The following TSEN2 variants were observed in gnomAD, a reference collection of about 807,000 sequenced individuals.
The protein encoded by TSEN2 is tRNA-splicing endonuclease subunit Sen2.
TSEN2 carries 54 observed loss-of-function variants against 59.2 expected under a neutral mutation model. The observed-to-expected ratio is 0.91, with a 90% confidence interval of 0.73 to 1.14. The LOEUF is 1.14. TSEN2 is among the 50% of genes most tolerant of loss of function. The pLI, the probability that TSEN2 is intolerant of heterozygous loss-of-function variation, is 0.00. For missense variants in TSEN2, 636 were observed against 576.2 expected (o/e 1.10, Z -1.06); for synonymous variants, 195 against 198.2 (o/e 0.98, Z 0.14).
chr3:12,519,607 G>A (rs947795138), intron 8 of TSEN2, among the ~76,000 whole-genome samples: 15 of 152,236 alleles, frequency 9.9e-5, no homozygotes, highest in African/African-American at 2.6e-4. Flanking sequence ...TTAGCTGGGC[G>A]TGGTAGCGGG....
chr3:12,480,854 T>C (rs41335647), upstream of TSEN2, among the ~76,000 whole-genome samples: 3,938 of 152,172 alleles, frequency 0.026, 173 homozygotes, highest in African/African-American at 0.088. Context: ...TGTTAATGCA[T>C]TGCCCTCCTG....
At chr3:12,532,629 T>A (rs1214304605) in intron 11 of TSEN2, 33 bp from the exon 12 acceptor site, 1 of 1,611,924 alleles carries the variant, frequency 6.2e-7, no homozygotes, top group Non-Finnish European at 8.5e-7. Context: ...CATTTCTGTT[T>A]TAAGAAATGG....
chr3:12,481,281 C>G (rs2052190599), upstream of TSEN2, among the ~76,000 whole-genome samples: 1 of 152,218 alleles, frequency 6.6e-6, no homozygotes, highest in Non-Finnish European at 1.5e-5. Flanking sequence ...TATTTACAAA[C>G]TCACCTAGTT....
At chr3:12,506,699 T>C in intron 6 of TSEN2, 1 of 985,354 alleles carries the variant, frequency 1.0e-6, no homozygotes, top group Non-Finnish European at 1.2e-6. Flanking sequence ...TTCTTGCTTA[T>C]GTTGATAGTG....
At position 12,503,475 on chromosome 3, in the gene TSEN2, C is replaced by T. The variant is rs141580750; in HGVS notation, c.522C>T (p.Asn174=). ...GGGGAGAGAGACCTTCTGTGGTAAACGGGGACTCTGGAAAGTCAGGTGGTG... is the reference window on the plus strand; with the variant it reads ...GGGGAGAGAGACCTTCTGTGGTAAATGGGGACTCTGGAAAGTCAGGTGGTG... ...TAGGERPSVV[N]GDSGKSGGVG... The change falls in exon 5 of 12, where the codon AAC becomes AAT. Residue 174 remains asparagine, a synonymous_variant. Coordinates refer to ENST00000284995, the MANE Select transcript of TSEN2 (RefSeq NM_025265.4). 1,785 of 1,614,048 alleles carry T rather than the reference C, an allele frequency of 1.1e-3. 4 individuals carry two copies. Among genetic ancestry groups the T allele is most frequent in the Non-Finnish European group, 1.3e-3 (1,588 of 1,180,030 alleles).
At chr3:12,487,707 A>G (rs2052762643) in intron 1 of TSEN2, among the ~76,000 whole-genome samples, 1 of 81,508 alleles carries the variant, frequency 1.2e-5, no homozygotes. Flanking sequence ...ACTAAATGTG[A>G]TAATTTAGTA....
intron 3 of TSEN2, among the ~76,000 whole-genome samples, chr3:12,493,894 C>G (rs975475377): frequency 6.6e-6 from 1 of 151,890 alleles, no homozygotes; most frequent in African/African-American, 2.4e-5. Flanking sequence ...TTTAAGAAAC[C>G]GTTGCCAAGT....
At chr3:12,502,647 A>T in intron 4 of TSEN2, among the ~76,000 whole-genome samples, 1 of 146,568 alleles carries the variant, frequency 6.8e-6, no homozygotes, top group African/African-American at 2.5e-5. Flanking sequence ...AAATTTTCAT[A>T]GTTTGTTAAA....
At chr3:12,514,818 A>G (rs1291514486) in intron 6 of TSEN2, 5 of 152,160 alleles carry the variant, frequency 3.3e-5, no homozygotes, top group African/African-American at 1.2e-4. Flanking sequence ...AACAACAACA[A>G]CAACAACCCA....
At chr3:12,535,615 T>TCC (rs1312556451), downstream of TSEN2, among the ~76,000 whole-genome samples, 3 of 152,138 alleles carry the variant, frequency 2.0e-5, no homozygotes, top group African/African-American at 7.2e-5. Context: ...CACTGCAACC[T>TCC]CCACTTCCTG....
chr3:12,530,057 C>T (rs1484088007), intron 10 of TSEN2, 184 bp downstream of exon 10: 29 of 1,435,384 alleles, frequency 2.0e-5, no homozygotes, highest in Non-Finnish European at 2.2e-5. Flanking sequence ...TTGTCCTCCC[C>T]TCATGTTACA....
At chr3:12,500,251 G>A (rs1019368196) in intron 4 of TSEN2, among the ~76,000 whole-genome samples, 2 of 152,242 alleles carry the variant, frequency 1.3e-5, no homozygotes, top group Non-Finnish European at 2.9e-5. Flanking sequence ...CAGCCAGCTA[G>A]AGGACGCCTT....
chr3:12,511,590 AG>A, intron 6 of TSEN2, among the ~76,000 whole-genome samples: 1 of 144,478 alleles, frequency 6.9e-6, no homozygotes, highest in East Asian at 2.0e-4. Flanking sequence ...TTTTTGAGGC[AG>A]GGTCTCTCTC....
chr3:12,491,996 G>A (rs1285814113), intron 2 of TSEN2, 140 bp from the exon 3 acceptor site: 2 of 695,556 alleles, frequency 2.9e-6, no homozygotes, highest in African/African-American at 1.8e-5. Context: ...TCAGGGACTC[G>A]ACCATCTGCC....
chr3:12,539,495 T>A (rs1240171271), exon 11 of TSEN2: 1 of 179,878 alleles, frequency 5.6e-6, no homozygotes, highest in East Asian at 1.8e-4. Flanking sequence ...TCATAACTTG[T>A]GTCTCACCCA....
rs549996301 is a variant in TSEN2 at position 12,516,717 on chromosome 3, G to A, written c.960+56G>A. ...TAAAATTTCCCTGTTGTTAAAAGCAGGTTGTACTAATTTCTATATTGCATT... is the reference window on the plus strand; with the variant it reads ...TAAAATTTCCCTGTTGTTAAAAGCAAGTTGTACTAATTTCTATATTGCATT... On this transcript the variant is annotated intron_variant, in intron 7 of 11. Coordinates refer to ENST00000284995, the MANE Select transcript of TSEN2 (RefSeq NM_025265.4). The A allele has an allele frequency of 4.8e-5, 72 of 1,501,952 alleles. No homozygotes were observed. In the South Asian group the frequency reaches 7.3e-4, roughly 15 times the overall value. 93.0% of individuals were successfully genotyped at this position (1,501,952 alleles called of 1,614,324 possible). A position where few individuals can be genotyped will look rare whatever the true frequency, so the allele number is the denominator to read the frequency against.
upstream of TSEN2, among the ~76,000 whole-genome samples, chr3:12,483,366 C>A (rs2052279224): frequency 6.6e-6 from 1 of 152,142 alleles, no homozygotes; most frequent in Admixed American, 6.5e-5. Context: ...GCCTGGGCGA[C>A]AGAGCCAGGC....
intron 6 of TSEN2, among the ~76,000 whole-genome samples, chr3:12,514,534 G>GCC (rs763707164): frequency 3.3e-5 from 5 of 152,142 alleles, no homozygotes; most frequent in Non-Finnish European, 7.4e-5. Context: ...GGACCAAGAA[G>GCC]GCAATAGGAA....
intron 1 of TSEN2, 57 bp from the exon 2 acceptor site, chr3:12,489,727 G>A: frequency 6.9e-7 from 1 of 1,450,316 alleles, no homozygotes. Context: ...CTCACATTTT[G>A]GATCAAGGTA....
Sources: allele counts gnomAD v4.1 joint callset (sites outside exome capture counted in the v4.1 genomes callset), GRCh38; gene constraint gnomAD v4.1.1; transcripts MANE v1.5; gene names NCBI Gene and HGNC (gene_info 2026-07-23, HGNC 2026-07-21).